The following ESPN variants were observed in gnomAD, a reference collection of about 807,000 sequenced individuals.
ESPN encodes the protein autosomal recessive deafness type 36 protein.
A neutral mutation model predicts 77.7 loss-of-function variants in ESPN; 68 were observed. The observed-to-expected ratio is 0.87, with a 90% CI of 0.72 to 1.07. ESPN has a LOEUF of 1.07. ESPN is among the 50% of genes least tolerant of loss of function. The probability of loss-of-function intolerance (pLI) is 0.00; values close to 1 mark genes in which losing one functional copy is unlikely to be tolerated. For synonymous variants in ESPN, 449 were observed against 567.1 expected (o/e 0.79, Z 2.96); for missense variants, 1,060 against 1,239.0 (o/e 0.86, Z 2.17).
chr1:6,436,871 T>A (rs922015186), intron 2 of ESPN, among the ~76,000 whole-genome samples: 1 of 152,192 alleles, frequency 6.6e-6, no homozygotes, highest in East Asian at 1.9e-4. Context: ...CCCATTGTTC[T>A]TCTTGTCCTC....
At chr1:6,449,708 TC>T (rs1234687235) in intron 8 of ESPN, among the ~76,000 whole-genome samples, 1 of 152,104 alleles carries the variant, frequency 6.6e-6, no homozygotes, top group Non-Finnish European at 1.5e-5. Context: ...CCACCGTGTT[TC>T]CCCCTCCCTC....
At position 6,437,243 on chromosome 1, in the gene ESPN, C is replaced by G. The variant is rs74049573; in HGVS notation, c.489-3011C>G. 2 of 152,232 alleles carry G rather than the reference C, an allele frequency of 1.3e-5. No homozygotes were observed. The highest frequency in any genetic ancestry group is 2.4e-5 in the African/African-American group (1 of 41,454). 9.4% of individuals were successfully genotyped at this position (152,232 alleles called of 1,614,324 possible). A position where few individuals can be genotyped will look rare whatever the true frequency, so the allele number is the denominator to read the frequency against. Reference sequence around the variant, plus strand: ...CCTGCTTGGTGCCAGCTTCTCAGACCTTCTCCGGCTGGCTGGGCACCCCTG... The same window carrying G: ...CCTGCTTGGTGCCAGCTTCTCAGACGTTCTCCGGCTGGCTGGGCACCCCTG... On this transcript the variant is annotated intron_variant, in intron 2 of 12. Transcript: ENST00000645284. The surrounding 1 kb of genome is among the most constrained non-coding windows in gnomAD (Gnocchi z 4.5).
Position 6,440,826 on chromosome 1 carries a change from G to A in ESPN, c.858+18G>A. ...AGCTAGAGGTCAGCGCGGGCCCGGGGTGGGGGCGCGCGCCCTCTGCTGGCA... is the reference window on the plus strand; with the variant it reads ...AGCTAGAGGTCAGCGCGGGCCCGGGATGGGGGCGCGCGCCCTCTGCTGGCA... On this transcript the variant is annotated intron_variant, in intron 4 of 12. Transcript: ENST00000645284. 6.9e-7 allele frequency: 1 copy of A among 1,458,396 alleles called. No individual in the cohort carries two copies. Among genetic ancestry groups the A allele is most frequent in the Non-Finnish European group, 9.0e-7 (1 of 1,115,680 alleles). 90.3% of individuals were successfully genotyped at this position (1,458,396 alleles called of 1,614,324 possible).
chr1:6,461,236 C>A (rs1044040339), downstream of ESPN: 12 of 747,282 alleles, frequency 1.6e-5, no homozygotes, highest in Non-Finnish European at 2.7e-5. The surrounding 1 kb of genome is among the most constrained non-coding windows in gnomAD (Gnocchi z 6.3). Context: ...ATGTCTTCAC[C>A]CCCTCTCGAC....
At chr1:6,446,469 C>A (rs1210547464) in intron 7 of ESPN, among the ~76,000 whole-genome samples, 1 of 152,068 alleles carries the variant, frequency 6.6e-6, no homozygotes, top group African/African-American at 2.4e-5. Flanking sequence ...CAGTTTAGGG[C>A]TTGAGCTCCT....
intron 2 of ESPN, among the ~76,000 whole-genome samples, chr1:6,434,038 T>C (rs1255132820): frequency 6.6e-6 from 1 of 152,092 alleles, no homozygotes; most frequent in East Asian, 1.9e-4. Context: ...GTAGCTGGGA[T>C]TATAGGTGCA....
At position 6,447,640 on chromosome 1, in the gene ESPN, G is replaced by A. The variant is rs1569702327; in HGVS notation, c.1465-1001G>A. On this transcript the variant is annotated intron_variant, in intron 7 of 12. Coordinates refer to ENST00000645284, the MANE Select transcript of ESPN (RefSeq NM_031475.3). This position sits in a 1 kb window ranked among gnomAD's most constrained non-coding sequence, Gnocchi z 5.2. ...GGAAGCCACGCTGTCACCCGACCCCGCCTTACGGCCCCTGAAATCCGAGGC... is the reference window on the plus strand; with the variant it reads ...GGAAGCCACGCTGTCACCCGACCCCACCTTACGGCCCCTGAAATCCGAGGC... 4.6e-5 allele frequency among the ~76,000 whole-genome samples: 7 copies of A among 152,328 alleles called. No homozygotes were observed. In the South Asian group the frequency reaches 1.2e-3, roughly 27 times the overall value.
chr1:6,438,198 C>T (rs1643501599), intron 2 of ESPN, among the ~76,000 whole-genome samples: 1 of 152,174 alleles, frequency 6.6e-6, no homozygotes. Context: ...ATTGTGGCTC[C>T]ACCTAGTGTC....
rs575852011 is a variant in ESPN at position 6,451,306 on chromosome 1, C to T, written c.1916-297C>T. 558 of 491,086 alleles carry T rather than the reference C, an allele frequency of 1.1e-3. No individual in the cohort carries two copies. The highest frequency in any genetic ancestry group is 1.9e-3 in the Non-Finnish European group (498 of 267,876). The allele number at this position is 491,086 out of a possible 1,614,324, so 30.4% of individuals were successfully genotyped here. A position where few individuals can be genotyped will look rare whatever the true frequency, so the allele number is the denominator to read the frequency against. On this transcript the variant is annotated intron_variant, in intron 8 of 12. Transcript: ENST00000645284. This position sits in a 1 kb window ranked among gnomAD's most constrained non-coding sequence, Gnocchi z 4.3. ...TGGAGCTGGGCAGTCAGTGGCTGGG[C>T]GGGGACATATGCCCAAGAGCCACCA...
chr1:6,448,932 G>GC lies in ESPN; in HGVS notation c.1758dup (p.Ala587ArgfsTer72), dbSNP rs1643898677. On this transcript the variant is annotated frameshift_variant, in exon 8 of 13. Coordinates refer to ENST00000645284, the MANE Select transcript of ESPN (RefSeq NM_031475.3). LOFTEE classifies it high-confidence loss of function. The stretch of plus-strand genomic sequence containing the variant: ...TGGGAACCATGTTCCTAACGGCTGC[G>GC]CCGCGGACCCCAAGGCGTCCAGGGA... The GC allele has an allele frequency of 3.6e-6, 5 of 1,394,814 alleles. No homozygotes were observed. The East Asian group carries it at 1.6e-4, about 44-fold the overall frequency. 86.4% of individuals were successfully genotyped at this position (1,394,814 alleles called of 1,614,324 possible). A position where few individuals can be genotyped will look rare whatever the true frequency, so the allele number is the denominator to read the frequency against.
At position 6,448,819 on chromosome 1, in the gene ESPN, CCG is replaced by C. The variant is rs1195238565; in HGVS notation, c.1651_1652del (p.Ala551ArgfsTer32). 4 of 1,242,798 alleles carry C rather than the reference CCG, an allele frequency of 3.2e-6. No homozygotes were observed. Among genetic ancestry groups the C allele is most frequent in the South Asian group, 3.5e-5 (1 of 28,632 alleles). 77.0% of individuals were successfully genotyped at this position (1,242,798 alleles called of 1,614,324 possible). A position where few individuals can be genotyped will look rare whatever the true frequency, so the allele number is the denominator to read the frequency against. On this transcript the variant is annotated frameshift_variant, in exon 8 of 13. Coordinates refer to ENST00000645284, the MANE Select transcript of ESPN (RefSeq NM_031475.3). LOFTEE classifies it high-confidence loss of function. Reference sequence around the variant, plus strand: ...AGCGAGGAGGTGCGTGCCCGCCAGCCCGCGCGCGCCGGCTGCCCGCGCCTCGG... The same window carrying C: ...AGCGAGGAGGTGCGTGCCCGCCAGCCCGCGCGCCGGCTGCCCGCGCCTCGG...
Position 6,449,023 on chromosome 1 carries a change from C to G in ESPN, c.1847C>G (p.Ala616Gly). 3 of 1,465,848 alleles carry G rather than the reference C, an allele frequency of 2.0e-6. No individual in the cohort carries two copies. The highest frequency in any genetic ancestry group is 2.7e-6 in the Non-Finnish European group (3 of 1,115,600). The allele number at this position is 1,465,848 out of a possible 1,614,324, so 90.8% of individuals were successfully genotyped here. ...GAGGCCGCGAGTTCGCCACCGCCGG[C>G]CCCGCCTCTGCCCCTCGAGAGCGCT... ...LPEAASSPPP[A>G]PPLPLESAGP... Residue 616 changes from alanine (A) to glycine (G), a missense_variant, in exon 8 of 13, where the codon GCC becomes GGC. This residue lies in a region of ESPN where 374 missense variants were observed against 381.4 expected (regional missense o/e 0.98). Coordinates refer to ENST00000645284, the MANE Select transcript of ESPN (RefSeq NM_031475.3).
intron 7 of ESPN, 94 bp from the exon 8 acceptor site, chr1:6,448,547 G>T (rs1643890136): frequency 1.0e-5 from 12 of 1,157,990 alleles, no homozygotes; most frequent in Admixed American, 2.7e-5. Flanking sequence ...GCCGCTGGCC[G>T]CGAGTCCCCA....
intron 12 of ESPN, among the ~76,000 whole-genome samples, chr1:6,457,589 C>T (rs1446904828): frequency 3.9e-5 from 6 of 152,186 alleles, no homozygotes; most frequent in Admixed American, 6.5e-5. Flanking sequence ...CTGGCCTTTT[C>T]TACCCTTCAG....
chr1:6,461,287 C>T (rs554438301), downstream of ESPN: 19 of 1,012,998 alleles, frequency 1.9e-5, no homozygotes, highest in African/African-American at 2.6e-4. The surrounding 1 kb of genome is among the most constrained non-coding windows in gnomAD (Gnocchi z 6.3). Context: ...GCGATAGGGG[C>T]GAGCAGGGGT....
intron 5 of ESPN, 61 bp downstream of exon 5, chr1:6,441,126 G>T: frequency 1.3e-6 from 2 of 1,575,066 alleles, no homozygotes; most frequent in East Asian, 2.3e-5. Flanking sequence ...CCCAGTGGTG[G>T]GTGTCGTCAC....
At chr1:6,426,130 G>A (rs77028675) in intron 1 of ESPN, among the ~76,000 whole-genome samples, 11,292 of 152,270 alleles carry the variant, frequency 0.074, 463 homozygotes, top group South Asian at 0.09. Flanking sequence ...AGACCACTGG[G>A]TGACCTGGAG....
chr1:6,445,979 G>C, intron 7 of ESPN, 44 bp downstream of exon 7: 1 of 1,599,924 alleles, frequency 6.3e-7, no homozygotes, highest in Non-Finnish European at 8.6e-7. Context: ...CAGGGGGACT[G>C]GGCTGATGGG....
At chr1:6,455,597 C>T in intron 10 of ESPN, 1 of 399,310 alleles carries the variant, frequency 2.5e-6, no homozygotes, top group Non-Finnish European at 4.4e-6. Context: ...TCCTGCCGCC[C>T]CTGGACGGCG....
Sources: gnomAD v4.1 joint callset for allele counts (sites outside exome capture counted in the v4.1 genomes callset) on GRCh38, gnomAD v4.1.1 for gene constraint, gnomAD v4.1.1 regional missense constraint, Gnocchi (gnomAD v3.1) non-coding constraint, MANE v1.5 for transcripts, NCBI Gene and HGNC (gene_info 2026-07-23, HGNC 2026-07-21) for gene names.